The following MRS2 variants were observed in gnomAD, a reference collection of about 807,000 sequenced individuals.
The protein encoded by MRS2 is magnesium transporter MRS2 homolog, mitochondrial.
MRS2 carries 40 observed loss-of-function variants against 52.6 expected under a neutral mutation model. The ratio of observed to expected loss-of-function variants is 0.76; its 90% confidence interval spans 0.59 to 0.99. The LOEUF (loss-of-function observed/expected upper bound fraction) is 0.99, where lower values mean the gene tolerates loss of function less well. Ranked by LOEUF, MRS2 falls within the 50% of genes least tolerant of loss-of-function variation. The probability of loss-of-function intolerance (pLI) is 0.00; values close to 1 mark genes in which losing one functional copy is unlikely to be tolerated. For synonymous variants in MRS2, 193 were observed against 195.9 expected, an observed-to-expected ratio of 0.98 and a Z score of 0.13; for missense variants, 472 against 532.7, an observed-to-expected ratio of 0.89 and a Z score of 1.12.
At position 24,423,754 on chromosome 6, in the gene MRS2, CTT is replaced by C. The variant is rs964329654; in HGVS notation, c.*64_*65del. The C allele has an allele frequency of 4.0e-6, 3 of 752,674 alleles. No homozygotes were observed. The highest frequency in any genetic ancestry group is 2.1e-5 in the South Asian group (1 of 46,984). The allele number at this position is 752,674 out of a possible 1,614,324, so 46.6% of individuals were successfully genotyped here. A position where few individuals can be genotyped will look rare whatever the true frequency, so the allele number is the denominator to read the frequency against. ...GTAGTTACAGGAAACTTCTGATACT[CTT>C]TTTATTATTTTCTTGTATAGAGTCA... On this transcript the variant is annotated 3_prime_UTR_variant, in exon 11 of 11. Transcript: ENST00000378386.
In MRS2 at chr6:24,424,560, TC is replaced by T. The variant is rs1048598951; in HGVS notation, c.*867del. 1 of 152,216 alleles carries T rather than the reference TC, an allele frequency of 6.6e-6. No individual in the cohort carries two copies. The highest frequency in any genetic ancestry group is 1.5e-5 in the Non-Finnish European group (1 of 68,038). 9.4% of individuals were successfully genotyped at this position (152,216 alleles called of 1,614,324 possible). A position where few individuals can be genotyped will look rare whatever the true frequency, so the allele number is the denominator to read the frequency against. On this transcript the variant is annotated 3_prime_UTR_variant, in exon 11 of 11. Transcript: ENST00000378386. ...ATGAATAAATGTTAGAACTGTGATA[TC>T]TTCTCATTTCCACAGAGATTTGGGT...
rs934889295 is a variant in MRS2, at chr6:24,423,994, A to G, written c.*300A>G. ...GACAGTTGCATAGATTTTAATTTAT[A>G]CATATCAAGAAAAGTGCAATTTCAT... On this transcript the variant is annotated 3_prime_UTR_variant, in exon 11 of 11. Transcript: ENST00000378386. 2 of 173,312 alleles carry G rather than the reference A, an allele frequency of 1.2e-5. No homozygotes were observed. Among genetic ancestry groups the G allele is most frequent in the African/African-American group, 4.8e-5 (2 of 42,066 alleles). 10.7% of individuals were successfully genotyped at this position (173,312 alleles called of 1,614,324 possible).
chr6:24,419,848 T>C (rs1761983029), intron 9 of MRS2, among the ~76,000 whole-genome samples: 1 of 152,134 alleles, frequency 6.6e-6, no homozygotes. Context: ...TATCTGCAGA[T>C]ACAGAACCCA....
At chr6:24,405,693 G>T (rs79392278) in intron 2 of MRS2, among the ~76,000 whole-genome samples, 18,064 of 151,316 alleles carry the variant, frequency 0.12, 1,441 homozygotes, top group East Asian at 0.16. Context: ...GAAGGCTGTT[G>T]GGGCAAAATG....
intron 5 of MRS2, among the ~76,000 whole-genome samples, chr6:24,414,027 C>A (rs1248453304): frequency 6.6e-6 from 1 of 152,140 alleles, no homozygotes; most frequent in Non-Finnish European, 1.5e-5. Flanking sequence ...GAATTTTGAA[C>A]CATATTCTGT....
At chr6:24,415,009 A>G (rs1201351828) in intron 5 of MRS2, 24 bp from the exon 6 acceptor site, 3 of 1,553,686 alleles carry the variant, frequency 1.9e-6, no homozygotes, top group Non-Finnish European at 2.6e-6. Context: ...TTTAATTCTT[A>G]TGAAAGGTCA....
In MRS2 at chr6:24,418,415, A is replaced by ATAGT. The variant is rs745533219; in HGVS notation, c.990-41_990-38dup. On this transcript the variant is annotated intron_variant, in intron 8 of 10. Coordinates refer to ENST00000378386, the MANE Select transcript of MRS2 (RefSeq NM_020662.4). ...TATAGATTTGATGAATGTGCTGTAT[A>ATAGT]TAGTTAGTGGGCCCTTCTAATCTGA... 11 of 1,611,058 alleles carry ATAGT rather than the reference A, an allele frequency of 6.8e-6. No individual in the cohort carries two copies. The African/African-American group carries it at 1.5e-4, about 22-fold the overall frequency.
At chr6:24,408,560 A>G in intron 3 of MRS2, 116 bp downstream of exon 3, 1 of 729,254 alleles carries the variant, frequency 1.4e-6, no homozygotes, top group Admixed American at 2.3e-5. Context: ...GTGTGTTGAA[A>G]GAGATCTTTC....
At position 24,423,825 on chromosome 6, in the gene MRS2, C is replaced by T. The variant is rs1438199883; in HGVS notation, c.*131C>T. 6.7e-6 allele frequency: 3 copies of T among 444,886 alleles called. No individual in the cohort carries two copies. Among genetic ancestry groups the T allele is most frequent in the Non-Finnish European group, 1.2e-5 (3 of 245,340 alleles). 27.6% of individuals were successfully genotyped at this position (444,886 alleles called of 1,614,324 possible). ...ATGTTTGAAGACAAAAATATTTTGG[C>T]AGTCACAATACCAGAACTGGATTGC... is the stretch of plus-strand genomic sequence containing the variant. On this transcript the variant is annotated 3_prime_UTR_variant, in exon 11 of 11. Coordinates refer to ENST00000378386, the MANE Select transcript of MRS2 (RefSeq NM_020662.4).
intron 4 of MRS2, 115 bp downstream of exon 4, chr6:24,409,688 T>G (rs1239523385): frequency 1.6e-6 from 1 of 624,106 alleles, no homozygotes; most frequent in African/African-American, 1.9e-5. Context: ...AATAGCTACC[T>G]GAAACATAGG....
At chr6:24,422,857 A>T in intron 9 of MRS2, 80 bp from the exon 10 acceptor site, 1 of 946,258 alleles carries the variant, frequency 1.1e-6, no homozygotes, top group Non-Finnish European at 1.6e-6. Context: ...AGGCTTTCAA[A>T]CTCTGGGGCA....
At chr6:24,417,326 T>C (rs1271654967) in intron 7 of MRS2, among the ~76,000 whole-genome samples, 1 of 152,216 alleles carries the variant, frequency 6.6e-6, no homozygotes, top group South Asian at 2.1e-4. Flanking sequence ...AGCAAAGTTA[T>C]TACTGATATC....
At position 24,415,030 on chromosome 6, in the gene MRS2, T is replaced by C. The variant is rs1319239498; in HGVS notation, c.589-3T>C. The C allele has an allele frequency of 6.3e-7, 1 of 1,595,246 alleles. No individual in the cohort carries two copies. Among genetic ancestry groups the C allele is most frequent in the Non-Finnish European group, 8.6e-7 (1 of 1,167,238 alleles). On this transcript the variant is annotated splice_region_variant and splice_polypyrimidine_tract_variant and intron_variant, in intron 5 of 10. Transcript: ENST00000378386. ...TCTTATGAAAGGTCATGTTGTTATC[T>C]AGATCAACACCCTTCAGGGGAAACT...
At chr6:24,421,950 A>C (rs1561815727) in intron 9 of MRS2, among the ~76,000 whole-genome samples, 2 of 152,144 alleles carry the variant, frequency 1.3e-5, no homozygotes, top group Non-Finnish European at 2.9e-5. Flanking sequence ...GGAGTTCGAG[A>C]CCAGCCTGAC....
intron 6 of MRS2, 44 bp from the exon 7 acceptor site, chr6:24,416,353 T>A: frequency 1.2e-6 from 1 of 807,748 alleles, no homozygotes; most frequent in Non-Finnish European, 2.1e-6. Context: ...AATGTTCTTA[T>A]AAGTTTATTC....
At chr6:24,423,364 T>C in intron 10 of MRS2, 1 of 489,608 alleles carries the variant, frequency 2.0e-6, no homozygotes, top group Non-Finnish European at 3.6e-6. Context: ...AGGTTTGTCA[T>C]AACCAAATGG....
rs1007812192 is a variant in MRS2, at chr6:24,402,964, C to T, written c.-83C>T. The T allele has an allele frequency of 2.1e-5, 28 of 1,319,396 alleles. No homozygotes were observed. Among genetic ancestry groups the T allele is most frequent in the African/African-American group, 4.5e-5 (3 of 66,536 alleles). 81.7% of individuals were successfully genotyped at this position (1,319,396 alleles called of 1,614,324 possible). A position where few individuals can be genotyped will look rare whatever the true frequency, so the allele number is the denominator to read the frequency against. ...GAGTCTGCAGGTCGGGCGGTAGCGA[C>T]AGGTCAGAGCTGCGGCCTGAGCAGC... is the stretch of plus-strand genomic sequence containing the variant. On this transcript the variant is annotated 5_prime_UTR_variant, in exon 1 of 11. Transcript: ENST00000378386.
At chr6:24,406,996 A>G (rs552013377) in intron 2 of MRS2, among the ~76,000 whole-genome samples, 27 of 152,304 alleles carry the variant, frequency 1.8e-4, no homozygotes, top group Admixed American at 3.9e-4. Flanking sequence ...GTTCCATTAA[A>G]GAAAAAAAGG....
rs963272468 is a variant in MRS2, at chr6:24,423,864, T to C, written c.*170T>C. On this transcript the variant is annotated 3_prime_UTR_variant, in exon 11 of 11. Coordinates refer to ENST00000378386, the MANE Select transcript of MRS2 (RefSeq NM_020662.4). ...GAACTGGATTGCATTTCCAGAATTCTGAGTTAAAGAAACAAAGTATTTGCT... is the reference window on the plus strand; with the variant it reads ...GAACTGGATTGCATTTCCAGAATTCCGAGTTAAAGAAACAAAGTATTTGCT... The C allele has an allele frequency of 4.2e-5, 16 of 383,270 alleles. No homozygotes were observed. Among genetic ancestry groups the C allele is most frequent in the African/African-American group, 2.9e-4 (14 of 48,874 alleles). 23.7% of individuals were successfully genotyped at this position (383,270 alleles called of 1,614,324 possible).
Sources: allele counts gnomAD v4.1 joint callset (sites outside exome capture counted in the v4.1 genomes callset), GRCh38; gene constraint gnomAD v4.1.1; transcripts MANE v1.5; gene names NCBI Gene and HGNC (gene_info 2026-07-23, HGNC 2026-07-21).